The following LRRTM4 variants were observed in gnomAD, a reference collection of about 807,000 sequenced individuals.
The protein encoded by LRRTM4 is leucine-rich repeat transmembrane neuronal protein 4.
Under a neutral mutation model 47.6 loss-of-function variants are expected in LRRTM4, and 25 were observed. That is an observed-to-expected ratio of 0.53 (90% confidence interval 0.38 to 0.73). The LOEUF is 0.73. LRRTM4 is among the 30% of genes least tolerant of loss of function. The pLI is 0.00. For synonymous variants in LRRTM4, 311 were observed against 269.5 expected (o/e 1.15, Z -1.51); for missense variants, 638 against 713.4 (o/e 0.89, Z 1.20).
At chr2:77,388,423 G>A (rs989252991) in intron 3 of LRRTM4, among the ~76,000 whole-genome samples, 1 of 152,106 alleles carries the variant, frequency 6.6e-6, no homozygotes, top group South Asian at 2.1e-4. Context: ...CATTGACAAG[G>A]AGGAAATAAA....
Position 77,419,169 on chromosome 2 carries a change from A to G in LRRTM4, c.1551+99149T>C, listed in dbSNP as rs186583353. On this transcript the variant is annotated intron_variant, in intron 3 of 3. Transcript: ENST00000409884. ...TTTTGTCTGCCCTGTCAGTGGATTTATCTATTTATTTTCTTTGGCTTACTC... is the reference window on the plus strand; with the variant it reads ...TTTTGTCTGCCCTGTCAGTGGATTTGTCTATTTATTTTCTTTGGCTTACTC... 3.7e-3 allele frequency among the ~76,000 whole-genome samples: 567 copies of G among 152,192 alleles called. 8 individuals carry two copies. The highest frequency in any genetic ancestry group is 0.013 in the African/African-American group (523 of 41,546).
intron 3 of LRRTM4, among the ~76,000 whole-genome samples, chr2:77,004,779 A>G (rs1395620263): frequency 6.6e-6 from 1 of 152,186 alleles, no homozygotes; most frequent in Admixed American, 6.5e-5. Flanking sequence ...GAATCCTGCA[A>G]CTGCACAGGA....
intron 3 of LRRTM4, among the ~76,000 whole-genome samples, chr2:77,394,582 A>C (rs568479019): frequency 3.9e-5 from 6 of 152,060 alleles, no homozygotes; most frequent in Admixed American, 1.3e-4. Context: ...GTGAGGGTGA[A>C]ACAGGGATTT....
At chr2:76,871,543 C>G (rs1317404451) in intron 3 of LRRTM4, among the ~76,000 whole-genome samples, 1 of 152,096 alleles carries the variant, frequency 6.6e-6, no homozygotes, top group Non-Finnish European at 1.5e-5. Flanking sequence ...CATATAAAAC[C>G]TGTACATTTG....
At chr2:77,236,465 A>T (rs1352402325) in intron 3 of LRRTM4, among the ~76,000 whole-genome samples, 4 of 151,686 alleles carry the variant, frequency 2.6e-5, no homozygotes, top group Non-Finnish European at 5.9e-5. Context: ...TTTTTTGCCA[A>T]GAGAGATAGC....
chr2:76,920,155 G>A (rs1348664109), intron 3 of LRRTM4, among the ~76,000 whole-genome samples: 1 of 152,076 alleles, frequency 6.6e-6, no homozygotes, highest in South Asian at 2.1e-4. Flanking sequence ...AAATCACTTC[G>A]AAGGAGATAT....
intron 3 of LRRTM4, among the ~76,000 whole-genome samples, chr2:77,460,757 C>G (rs916951979): frequency 5.3e-5 from 8 of 151,964 alleles, no homozygotes; most frequent in African/African-American, 1.9e-4. Flanking sequence ...TACTGGTTCT[C>G]TATTACTAAG....
At chr2:76,786,837 T>C (rs950763629) in intron 3 of LRRTM4, among the ~76,000 whole-genome samples, 1 of 149,996 alleles carries the variant, frequency 6.7e-6, no homozygotes, top group Non-Finnish European at 1.5e-5. Context: ...GAATTTCATA[T>C]TGCTTTCCTT....
intron 3 of LRRTM4, among the ~76,000 whole-genome samples, chr2:76,784,593 T>C (rs1674574595): frequency 1.3e-5 from 2 of 152,100 alleles, no homozygotes; most frequent in African/African-American, 4.8e-5. Context: ...AAGTATCCTA[T>C]GTAATTTCAC....
rs1483032753 is a variant in LRRTM4 at position 77,499,162 on chromosome 2, T to C, written c.1551+19156A>G. 2.6e-5 allele frequency among the ~76,000 whole-genome samples: 4 copies of C among 151,906 alleles called. No individual in the cohort carries two copies. In the East Asian group the frequency reaches 5.8e-4, roughly 22 times the overall value. ...ACACCATTGGTTGTCATGATTGGCA[T>C]GCGGATACTGATATTGGTATCTATG... On this transcript the variant is annotated intron_variant, in intron 3 of 3. Transcript: ENST00000409884.
intron 3 of LRRTM4, among the ~76,000 whole-genome samples, chr2:77,426,072 G>C (rs963764502): frequency 3.4e-5 from 5 of 149,088 alleles, no homozygotes; most frequent in Non-Finnish European, 7.4e-5. Context: ...CCGAGATTGC[G>C]CCACTGCACC....
At chr2:76,801,852 A>T (rs1289789954) in intron 3 of LRRTM4, among the ~76,000 whole-genome samples, 3 of 152,174 alleles carry the variant, frequency 2.0e-5, no homozygotes, top group Non-Finnish European at 4.4e-5. Flanking sequence ...TGCCACATTA[A>T]CACAATGAAG....
chr2:77,283,196 A>T (rs1676554557), intron 3 of LRRTM4, among the ~76,000 whole-genome samples: 1 of 152,098 alleles, frequency 6.6e-6, no homozygotes, highest in Non-Finnish European at 1.5e-5. Context: ...TCAAAAGAAG[A>T]CATCCAAGTC....
chr2:77,191,374 C>A (rs1673665043), intron 3 of LRRTM4, among the ~76,000 whole-genome samples: 1 of 151,994 alleles, frequency 6.6e-6, no homozygotes, highest in Non-Finnish European at 1.5e-5. Context: ...AAGGCCTAAT[C>A]TGATGACTAC....
At chr2:76,844,003 A>C (rs371747678) in intron 3 of LRRTM4, among the ~76,000 whole-genome samples, 6 of 148,378 alleles carry the variant, frequency 4.0e-5, no homozygotes, top group African/African-American at 1.3e-4. Flanking sequence ...TCAGGTTCAC[A>C]CCATTCTCCT....
intron 3 of LRRTM4, among the ~76,000 whole-genome samples, chr2:77,065,250 G>C (rs1679915511): frequency 6.6e-6 from 1 of 152,028 alleles, no homozygotes; most frequent in African/African-American, 2.4e-5. Context: ...AAATTTGCTG[G>C]ACTCTTGAGC....
intron 3 of LRRTM4, among the ~76,000 whole-genome samples, chr2:76,883,018 G>T (rs114260456): frequency 2.6e-5 from 4 of 152,092 alleles, no homozygotes; most frequent in Admixed American, 2.6e-4. Context: ...TGCCAGCCAG[G>T]TAAAGTCTCA....
chr2:77,239,557 G>A (rs1946879), intron 3 of LRRTM4, among the ~76,000 whole-genome samples: 85,546 of 151,674 alleles, frequency 0.56, 24,439 homozygotes, highest in African/African-American at 0.6. Context: ...TTTTAAATAT[G>A]AAGTTATAGA....
chr2:77,221,170 C>G (rs911328425), intron 3 of LRRTM4, among the ~76,000 whole-genome samples: 4 of 152,216 alleles, frequency 2.6e-5, no homozygotes, highest in South Asian at 2.1e-4. Context: ...TATTTTGTCA[C>G]CACCAGGCCT....
Sources: gnomAD v4.1 joint callset for allele counts (sites outside exome capture counted in the v4.1 genomes callset) on GRCh38, gnomAD v4.1.1 for gene constraint, MANE v1.5 for transcripts, NCBI Gene and HGNC (gene_info 2026-07-23, HGNC 2026-07-21) for gene names.